The following RAI14 variants were observed in gnomAD, a reference collection of about 807,000 sequenced individuals.
RAI14 encodes retinoic acid induced 14.
A neutral mutation model predicts 115.4 loss-of-function variants in RAI14; 45 were observed. That is an observed-to-expected ratio of 0.39 (90% CI 0.31 to 0.50). RAI14 has a LOEUF of 0.50. Among genes scored for constraint, RAI14 ranks in the 20% least tolerant of loss-of-function variants. The pLI is 0.85. For synonymous variants in RAI14, 371 were observed against 415.4 expected (o/e 0.89, Z 1.30); for missense variants, 939 against 1,131.2 (o/e 0.83, Z 2.44).
chr5:34,822,246 G>C (rs866364421), intron 14 of RAI14, among the ~76,000 whole-genome samples: 2 of 75,716 alleles, frequency 2.6e-5, no homozygotes, highest in Admixed American at 1.5e-4. Context: ...ATGTATGTGT[G>C]TATGTATATA....
At chr5:34,771,742 G>A (rs2150133246) in intron 3 of RAI14, among the ~76,000 whole-genome samples, 1 of 152,124 alleles carries the variant, frequency 6.6e-6, no homozygotes, top group South Asian at 2.1e-4. Context: ...TCTGTGCTTG[G>A]GTTATATCCC....
At chr5:34,696,017 A>C (rs1739183173) in intron 2 of RAI14, among the ~76,000 whole-genome samples, 1 of 152,136 alleles carries the variant, frequency 6.6e-6, no homozygotes, top group African/African-American at 2.4e-5. Flanking sequence ...ACAGTGTCTC[A>C]CTATGTTTCC....
chr5:34,719,778 A>G (rs970229380), intron 2 of RAI14, among the ~76,000 whole-genome samples: 1 of 152,196 alleles, frequency 6.6e-6, no homozygotes, highest in East Asian at 1.9e-4. Context: ...ACTCTGCGCT[A>G]TATGCTAGGT....
intron 1 of RAI14, among the ~76,000 whole-genome samples, chr5:34,662,721 ATTT>A (rs746930489): frequency 4.4e-5 from 4 of 91,882 alleles, no homozygotes; most frequent in Admixed American, 1.6e-4. Context: ...ATTTAAACAG[ATTT>A]TTTTTTTTTT....
chr5:34,683,872 C>T (rs530148494), intron 1 of RAI14, among the ~76,000 whole-genome samples: 2 of 152,100 alleles, frequency 1.3e-5, no homozygotes, highest in African/African-American at 2.4e-5. Context: ...GGACTACAGG[C>T]GCCCGCCATC....
intron 13 of RAI14, 145 bp downstream of exon 13, chr5:34,818,996 C>T: frequency 4.5e-6 from 3 of 668,892 alleles, no homozygotes; most frequent in Non-Finnish European, 7.7e-6. Flanking sequence ...AATGCACAAG[C>T]TGAAGCGCTC....
At chr5:34,755,624 C>T (rs533512489) in intron 2 of RAI14, among the ~76,000 whole-genome samples, 1 of 152,258 alleles carries the variant, frequency 6.6e-6, no homozygotes, top group East Asian at 1.9e-4. Context: ...TACTCAATGC[C>T]AGTAGCACTC....
chr5:34,820,239 T>A (rs1309151658), intron 13 of RAI14, among the ~76,000 whole-genome samples: 1 of 152,172 alleles, frequency 6.6e-6, no homozygotes, highest in Admixed American at 6.5e-5. Flanking sequence ...AAAATTTAGA[T>A]CAGTGCTTTT....
At position 34,665,194 on chromosome 5, in the gene RAI14, TATATAC is replaced by T. The variant is rs1408674877; in HGVS notation, c.-49+8721_-49+8726del. Among the ~76,000 whole-genome samples, 186 of 101,022 alleles carry T rather than the reference TATATAC, an allele frequency of 1.8e-3. 41 individuals carry two copies. In the South Asian group the frequency reaches 0.024, roughly 13 times the overall value. The allele number at this position is 101,022 out of a possible 152,430, so 66.3% of individuals were successfully genotyped here. On this transcript the variant is annotated intron_variant, in intron 1 of 17. Coordinates refer to ENST00000265109, the MANE Select transcript of RAI14 (RefSeq NM_015577.3). ...ATATACACACATATATATATGTATATATATACACACACCACAGTTTCTTTATCCACT... is the reference window on the plus strand; with the variant it reads ...ATATACACACATATATATATGTATATACACACCACAGTTTCTTTATCCACT...
In RAI14 at chr5:34,808,634, C is replaced by A. The variant is rs375096824; in HGVS notation, c.430C>A (p.Pro144Thr). Reference protein sequence around the residue: ...AVQILCEHKSPINLKDLDGNI... With the variant: ...AVQILCEHKSTINLKDLDGNI... ...GCAGATTCTCTGCGAACACAAGAGC[C>A]CCATAAACCTCAAAGATTTGGTAAG... Residue 144 changes from proline (P) to threonine (T), a missense_variant, in exon 7 of 18, where the codon CCC becomes ACC. Coordinates refer to ENST00000265109, the MANE Select transcript of RAI14 (RefSeq NM_015577.3). 1.2e-6 allele frequency: 2 copies of A among 1,614,022 alleles called. No homozygotes were observed. The highest frequency in any genetic ancestry group is 2.7e-5 in the African/African-American group (2 of 74,908).
intron 2 of RAI14, among the ~76,000 whole-genome samples, chr5:34,747,564 G>A (rs1397289741): frequency 6.6e-6 from 1 of 152,148 alleles, no homozygotes; most frequent in Admixed American, 6.5e-5. Flanking sequence ...ATGAATATAA[G>A]TAAATGAGTA....
chr5:34,780,253 C>G (rs1439300473), intron 3 of RAI14, among the ~76,000 whole-genome samples: 1 of 152,138 alleles, frequency 6.6e-6, no homozygotes, highest in African/African-American at 2.4e-5. Context: ...AATGTTAGAC[C>G]TAAAACCATA....
intron 3 of RAI14, among the ~76,000 whole-genome samples, chr5:34,782,137 C>A (rs180822979): frequency 6.6e-6 from 1 of 152,196 alleles, no homozygotes; most frequent in Non-Finnish European, 1.5e-5. Context: ...GCCCTTATTT[C>A]GGTAAACCCA....
At chr5:34,705,931 G>A (rs765973445) in intron 2 of RAI14, among the ~76,000 whole-genome samples, 6 of 152,216 alleles carry the variant, frequency 3.9e-5, no homozygotes, top group South Asian at 2.1e-4. Context: ...ACAGGCATGC[G>A]CCACCACGCC....
chr5:34,757,497 G>C lies in RAI14; in HGVS notation c.66G>C (p.Arg22=). 1 of 1,613,856 alleles carries C rather than the reference G, an allele frequency of 6.2e-7. No individual in the cohort carries two copies. ...ATGAGTGGAACAAGAATGATGACCGGCTACTGCAGGCCGTGGAGAATGGAG... is the reference window on the plus strand; with the variant it reads ...ATGAGTGGAACAAGAATGATGACCGCCTACTGCAGGCCGTGGAGAATGGAG... ...DTNEWNKNDD[R]LLQAVENGDA... The change falls in exon 3 of 18, where the codon CGG becomes CGC. Residue 22 remains arginine, a synonymous_variant. Transcript: ENST00000265109.
intron 2 of RAI14, among the ~76,000 whole-genome samples, chr5:34,734,433 G>T (rs984560361): frequency 6.6e-6 from 1 of 152,184 alleles, no homozygotes; most frequent in Non-Finnish European, 1.5e-5. Flanking sequence ...TTTGTGGTTC[G>T]CTATCCTCAG....
At chr5:34,783,194 A>G (rs1751875561) in intron 3 of RAI14, among the ~76,000 whole-genome samples, 1 of 152,170 alleles carries the variant, frequency 6.6e-6, no homozygotes, top group Non-Finnish European at 1.5e-5. Context: ...CCATTAAATT[A>G]CTCATTGTGA....
chr5:34,752,776 C>CT (rs1334059135), intron 2 of RAI14, among the ~76,000 whole-genome samples: 8 of 67,164 alleles, frequency 1.2e-4, no homozygotes, highest in Non-Finnish European at 1.5e-4. Context: ...TGTATCTTTT[C>CT]TTTTTTTTTG....
chr5:34,803,775 A>G lies in RAI14; in HGVS notation c.320A>G (p.Gln107Arg), dbSNP rs775806722. 5.0e-6 allele frequency: 8 copies of G among 1,611,044 alleles called. No homozygotes were observed. The highest frequency in any genetic ancestry group is 6.8e-6 in the Non-Finnish European group (8 of 1,178,268). ...CATGAATGCATCAGGAAGCTGCTTC[A>G]GGTAAGCTGGTGACAACTTAGAATT... ...SHHECIRKLL[Q>R]SKCPAESVDS... is the part of the protein sequence containing the mutation. Residue 107 changes from glutamine to arginine, a missense_variant and splice_region_variant, in exon 5 of 18, where the codon CAG (glutamine) becomes CGG (arginine). Transcript: ENST00000265109.
Sources: allele counts gnomAD v4.1 joint callset (sites outside exome capture counted in the v4.1 genomes callset), GRCh38; gene constraint gnomAD v4.1.1; transcripts MANE v1.5; gene names NCBI Gene and HGNC (gene_info 2026-07-23, HGNC 2026-07-21).